Variants in ADCY1 observed in about 807,000 individuals in gnomAD.
ADCY1 encodes the protein adenylate cyclase type 1.
ADCY1 carries 28 observed loss-of-function variants against 105.4 expected under a neutral mutation model. The ratio of observed to expected loss-of-function variants is 0.27; its 90% CI spans 0.20 to 0.36. ADCY1 has a LOEUF of 0.36. Ranked by LOEUF, ADCY1 falls within the 10% of genes least tolerant of loss-of-function variation. ADCY1 has a pLI of 1.00. For synonymous variants in ADCY1, 655 were observed against 623.8 expected (o/e 1.05, Z -0.75); for missense variants, 977 against 1,434.2 (o/e 0.68, Z 5.15).
At chr7:45,613,491 C>T (rs2115884132) in intron 3 of ADCY1, among the ~76,000 whole-genome samples, 1 of 152,264 alleles carries the variant, frequency 6.6e-6, no homozygotes, top group African/African-American at 2.4e-5. Context: ...ATGGGAGTTA[C>T]AGAAGAAGAG....
Position 45,715,353 on chromosome 7 carries a change from T to C in ADCY1, c.*1358T>C, listed in dbSNP as rs996522204. 4 of 152,252 alleles carry C rather than the reference T, an allele frequency of 2.6e-5. No homozygotes were observed. The highest frequency in any genetic ancestry group is 7.2e-5 in the African/African-American group (3 of 41,466). 9.4% of individuals were successfully genotyped at this position (152,252 alleles called of 1,614,324 possible). A position where few individuals can be genotyped will look rare whatever the true frequency, so the allele number is the denominator to read the frequency against. ...TCTAAAGACCCACTGCTCTGAGATG[T>C]GGTCAGAGAGGTTTCTGTGGACTGC... On this transcript the variant is annotated 3_prime_UTR_variant, in exon 20 of 20. Coordinates refer to ENST00000297323, the MANE Select transcript of ADCY1 (RefSeq NM_021116.4).
rs1044262871 is a variant in ADCY1 at position 45,708,650 on chromosome 7, G to A, written c.2932+186G>A. On this transcript the variant is annotated intron_variant, in intron 18 of 19. Coordinates refer to ENST00000297323, the MANE Select transcript of ADCY1 (RefSeq NM_021116.4). This position sits in a 1 kb window ranked among gnomAD's most constrained non-coding sequence, Gnocchi z 4.7. The stretch of plus-strand genomic sequence containing the variant: ...GCTGGTGGAAGGTGAAGATGCTTCA[G>A]AAAGTGACTTAGACTTTGAAGATTC... Among the ~76,000 whole-genome samples the A allele has an allele frequency of 6.6e-6, 1 of 152,248 alleles. No individual in the cohort carries two copies. The highest frequency in any genetic ancestry group is 1.5e-5 in the Non-Finnish European group (1 of 68,052).
Position 45,610,318 on chromosome 7 carries a change from G to A in ADCY1, c.790-61G>A, listed in dbSNP as rs567129657. ...CGGCGCCCTTACTGGGGAGGGTGAG[G>A]TGAGGAGGAGTGGAGGGAGGGGGCC... On this transcript the variant is annotated intron_variant, in intron 2 of 19. Coordinates refer to ENST00000297323, the MANE Select transcript of ADCY1 (RefSeq NM_021116.4). 1.5e-4 allele frequency: 219 copies of A among 1,472,016 alleles called. No homozygotes were observed. In the African/African-American group the frequency reaches 2.5e-3, roughly 17 times the overall value. The allele number at this position is 1,472,016 out of a possible 1,614,324, so 91.2% of individuals were successfully genotyped here. A position where few individuals can be genotyped will look rare whatever the true frequency, so the allele number is the denominator to read the frequency against.
chr7:45,619,477 C>T (rs1236490810), intron 3 of ADCY1, among the ~76,000 whole-genome samples: 1 of 152,040 alleles, frequency 6.6e-6, no homozygotes, highest in Non-Finnish European at 1.5e-5. Context: ...CACCATAACC[C>T]ATAAGTATGT....
At chr7:45,656,069 C>G (rs893230322) in intron 5 of ADCY1, among the ~76,000 whole-genome samples, 1 of 151,700 alleles carries the variant, frequency 6.6e-6, no homozygotes, top group Non-Finnish European at 1.5e-5. Context: ...AGGCAGATCA[C>G]GAGGTCAGGA....
intron 1 of ADCY1, among the ~76,000 whole-genome samples, chr7:45,583,798 G>A (rs1259220629): frequency 6.6e-6 from 1 of 151,826 alleles, no homozygotes; most frequent in Admixed American, 6.6e-5. Context: ...GCACCACCAC[G>A]CCTGGCTAAT....
intron 4 of ADCY1, among the ~76,000 whole-genome samples, chr7:45,637,758 T>G (rs978804930): frequency 1.3e-5 from 2 of 152,186 alleles, no homozygotes; most frequent in African/African-American, 4.8e-5. Flanking sequence ...TAAAAAACAT[T>G]TCTTGTAGTG....
chr7:45,671,701 C>T (rs1056047575), intron 8 of ADCY1, among the ~76,000 whole-genome samples: 1 of 152,164 alleles, frequency 6.6e-6, no homozygotes, highest in Non-Finnish European at 1.5e-5. Flanking sequence ...TTCATGTGCT[C>T]ATTTTTTATC....
At chr7:45,706,492 CAAAAAA>C (rs58794109) in intron 17 of ADCY1, among the ~76,000 whole-genome samples, 29 of 59,464 alleles carry the variant, frequency 4.9e-4, no homozygotes, top group East Asian at 4.5e-3. Flanking sequence ...ACATCACATG[CAAAAAA>C]AAAAAAAAAA....
intron 4 of ADCY1, among the ~76,000 whole-genome samples, chr7:45,644,353 G>T (rs1212223347): frequency 6.6e-6 from 1 of 152,146 alleles, no homozygotes; most frequent in Non-Finnish European, 1.5e-5. Context: ...GGGTCCTGGG[G>T]CTGGGCAGGG....
intron 6 of ADCY1, among the ~76,000 whole-genome samples, chr7:45,658,777 G>A (rs913929766): frequency 2.0e-5 from 3 of 152,240 alleles, no homozygotes; most frequent in Admixed American, 1.3e-4. Context: ...CTCGGTGACC[G>A]TTGTAGTTCA....
chr7:45,672,524 C>T (rs1438842884), intron 8 of ADCY1, among the ~76,000 whole-genome samples: 1 of 151,972 alleles, frequency 6.6e-6, no homozygotes, highest in Admixed American at 6.6e-5. Flanking sequence ...CGAGACCTCG[C>T]TGTGTTTTGT....
At chr7:45,673,964 C>CATATATAT (rs58025464) in intron 8 of ADCY1, among the ~76,000 whole-genome samples, 92 of 115,084 alleles carry the variant, frequency 8.0e-4, no homozygotes, top group African/African-American at 2.3e-3. Context: ...TTCAGATGAG[C>CATATATAT]ATATATATAT....
chr7:45,640,041 G>T (rs553660939), intron 4 of ADCY1, among the ~76,000 whole-genome samples: 1 of 152,162 alleles, frequency 6.6e-6, no homozygotes. Context: ...TGCTTTAAGG[G>T]AATATAAGAC....
chr7:45,678,128 G>A (rs1261467123), intron 9 of ADCY1, 38 bp from the exon 10 acceptor site: 1 of 1,613,064 alleles, frequency 6.2e-7, no homozygotes, highest in Non-Finnish European at 8.5e-7. Flanking sequence ...GCTGGAGGAA[G>A]CCCTCAGCCC....
At chr7:45,666,714 CA>C (rs1185143227) in intron 8 of ADCY1, among the ~76,000 whole-genome samples, 1 of 152,232 alleles carries the variant, frequency 6.6e-6, no homozygotes, top group African/African-American at 2.4e-5. Flanking sequence ...CTGTCTTCCA[CA>C]ATGGTTGAAC....
rs956124753 is a variant in ADCY1, at chr7:45,716,636, C to T, written c.*2641C>T. 2 of 153,460 alleles carry T rather than the reference C, an allele frequency of 1.3e-5. No homozygotes were observed. Among genetic ancestry groups the T allele is most frequent in the Non-Finnish European group, 2.9e-5 (2 of 69,070 alleles). 9.5% of individuals were successfully genotyped at this position (153,460 alleles called of 1,614,324 possible). Reference sequence around the variant, plus strand: ...TGCCCCCAGTGCCGCTGCCCAGCTTCGGCCATCCAGGTGGTGGGTAGACAG... The same window carrying T: ...TGCCCCCAGTGCCGCTGCCCAGCTTTGGCCATCCAGGTGGTGGGTAGACAG... On this transcript the variant is annotated 3_prime_UTR_variant, in exon 20 of 20. Coordinates refer to ENST00000297323, the MANE Select transcript of ADCY1 (RefSeq NM_021116.4).
In ADCY1 at chr7:45,666,304, G is replaced by A. The variant is rs558128640; in HGVS notation, c.1605+4090G>A. Among the ~76,000 whole-genome samples the A allele has an allele frequency of 1.0e-3, 153 of 152,232 alleles. 2 individuals are homozygous for A. Among genetic ancestry groups the A allele is most frequent in the Middle Eastern group, 3.4e-3 (1 of 294 alleles). ...TCCCCACTCCCCCCACACCACAACA[G>A]GCCCTGGGGTGTGATGTTCCCCTTC... is the stretch of plus-strand genomic sequence containing the variant. On this transcript the variant is annotated intron_variant, in intron 8 of 19. Coordinates refer to ENST00000297323, the MANE Select transcript of ADCY1 (RefSeq NM_021116.4).
chr7:45,580,067 A>G (rs1584243331), intron 1 of ADCY1, among the ~76,000 whole-genome samples: 1 of 151,952 alleles, frequency 6.6e-6, no homozygotes, highest in South Asian at 2.1e-4. Flanking sequence ...TAACTTTAAC[A>G]TAAAAAGCTT....
Sources: gnomAD v4.1 joint callset for allele counts (sites outside exome capture counted in the v4.1 genomes callset) on GRCh38, gnomAD v4.1.1 for gene constraint, Gnocchi (gnomAD v3.1) non-coding constraint, MANE v1.5 for transcripts, NCBI Gene and HGNC (gene_info 2026-07-23, HGNC 2026-07-21) for gene names.